Variants in FNDC3A observed in about 807,000 individuals in gnomAD.
FNDC3A encodes fibronectin type III domain containing 3A.
Under a neutral mutation model 148.9 loss-of-function variants are expected in FNDC3A, and 32 were observed. That is an observed-to-expected ratio of 0.21 (90% CI 0.16 to 0.29). The LOEUF (loss-of-function observed/expected upper bound fraction) is 0.29, where lower values mean the gene tolerates loss of function less well. Ranked by LOEUF, FNDC3A falls within the 10% of genes least tolerant of loss-of-function variation. FNDC3A has a pLI of 1.00. For synonymous variants in FNDC3A, 472 were observed against 473.6 expected (o/e 1.00, Z 0.04); for missense variants, 1,191 against 1,452.8 (o/e 0.82, Z 2.93).
Position 49,075,271 on chromosome 13 carries a change from C to T in FNDC3A, c.100-18C>T. 2 of 1,480,586 alleles carry T rather than the reference C, an allele frequency of 1.4e-6. No homozygotes were observed. The highest frequency in any genetic ancestry group is 1.9e-6 in the Non-Finnish European group (2 of 1,065,962). 91.7% of individuals were successfully genotyped at this position (1,480,586 alleles called of 1,614,324 possible). A position where few individuals can be genotyped will look rare whatever the true frequency, so the allele number is the denominator to read the frequency against. On this transcript the variant is annotated intron_variant, in intron 2 of 25. Transcript: ENST00000492622. ...CTTTTTTTTGTTTTGATTAATACTT[C>T]TTCCCCTCATTTTTAAGGTTATTCT... is the stretch of plus-strand genomic sequence containing the variant.
intron 2 of FNDC3A, among the ~76,000 whole-genome samples, chr13:49,012,510 CTTTACA>C (rs1258413745): frequency 6.6e-6 from 1 of 152,054 alleles, no homozygotes; most frequent in Non-Finnish European, 1.5e-5. Flanking sequence ...ATTCTTGGGC[CTTTACA>C]TTTACATATA....
chr13:49,030,490 A>G (rs781404136), intron 2 of FNDC3A, among the ~76,000 whole-genome samples: 1 of 152,230 alleles, frequency 6.6e-6, no homozygotes, highest in Non-Finnish European at 1.5e-5. Context: ...CACCACTTCT[A>G]TTCAACGTTG....
intron 8 of FNDC3A, among the ~76,000 whole-genome samples, chr13:49,157,484 G>A (rs1167012628): frequency 6.8e-6 from 1 of 147,510 alleles, no homozygotes; most frequent in African/African-American, 2.5e-5. Flanking sequence ...CCGTAGCTCA[G>A]AGTAATTTGA....
chr13:49,011,301 T>G lies in FNDC3A; in HGVS notation c.99+5012T>G, dbSNP rs371562280. On this transcript the variant is annotated intron_variant, in intron 2 of 25. Coordinates refer to ENST00000492622, the MANE Select transcript of FNDC3A (RefSeq NM_001079673.2). ...CAGGCTGGAGTGCAGTGGCGTGATC[T>G]CGGCTCACTGCAACCTCCGCCTCCC... Among the ~76,000 whole-genome samples, 390 of 152,134 alleles carry G rather than the reference T, an allele frequency of 2.6e-3. 5 individuals carry two copies. The highest frequency in any genetic ancestry group is 0.02 in the Middle Eastern group (6 of 294).
At chr13:49,130,492 G>A (rs965298074) in intron 4 of FNDC3A, among the ~76,000 whole-genome samples, 3 of 151,962 alleles carry the variant, frequency 2.0e-5, no homozygotes, top group Admixed American at 2.0e-4. Context: ...TATAGAAAAG[G>A]AAATTGATTC....
At chr13:49,194,771 T>A (rs374684348) in intron 19 of FNDC3A, among the ~76,000 whole-genome samples, 2 of 152,166 alleles carry the variant, frequency 1.3e-5, no homozygotes, top group African/African-American at 2.4e-5. Flanking sequence ...TTTATACATA[T>A]GATAGTATAA....
At chr13:49,018,339 C>G (rs2017793511) in intron 2 of FNDC3A, among the ~76,000 whole-genome samples, 1 of 152,144 alleles carries the variant, frequency 6.6e-6, no homozygotes, top group African/African-American at 2.4e-5. Context: ...CTTCTCGCTT[C>G]ATTTCATTCA....
intron 4 of FNDC3A, among the ~76,000 whole-genome samples, chr13:49,115,747 ACTAT>A (rs1407881632): frequency 6.6e-6 from 1 of 152,164 alleles, no homozygotes; most frequent in Non-Finnish European, 1.5e-5. Context: ...GTCTCTACTA[ACTAT>A]CTCTACTTTT....
intron 16 of FNDC3A, 150 bp downstream of exon 16, chr13:49,187,340 T>A (rs988323471): frequency 4.5e-6 from 4 of 883,152 alleles, no homozygotes; most frequent in Non-Finnish European, 5.2e-6. Context: ...TGGGTTGTCC[T>A]GGATTTTTTT....
chr13:49,071,087 A>C (rs1877656872), intron 2 of FNDC3A, among the ~76,000 whole-genome samples: 1 of 111,338 alleles, frequency 9.0e-6, no homozygotes, highest in Non-Finnish European at 1.7e-5. Context: ...TTTTGTAGAG[A>C]TGAGGTCTCA....
At chr13:49,153,678 C>A (rs1164726400) in intron 8 of FNDC3A, among the ~76,000 whole-genome samples, 1 of 147,842 alleles carries the variant, frequency 6.8e-6, no homozygotes, top group Non-Finnish European at 1.5e-5. Flanking sequence ...TTTAATCCAT[C>A]TTGAATTGAT....
At chr13:49,114,853 C>A (rs749701109) in intron 4 of FNDC3A, 122 bp downstream of exon 4, 5 of 753,048 alleles carry the variant, frequency 6.6e-6, no homozygotes, top group Non-Finnish European at 1.2e-5. Context: ...TGTTGTGTAT[C>A]TATCATAAAT....
At position 49,208,108 on chromosome 13, in the gene FNDC3A, A is replaced by G. The variant is rs1886738205; in HGVS notation, c.*713A>G. 1 of 152,254 alleles carries G rather than the reference A, an allele frequency of 6.6e-6. No individual in the cohort carries two copies. The highest frequency in any genetic ancestry group is 1.5e-5 in the Non-Finnish European group (1 of 68,042). The allele number at this position is 152,254 out of a possible 1,614,324, so 9.4% of individuals were successfully genotyped here. A position where few individuals can be genotyped will look rare whatever the true frequency, so the allele number is the denominator to read the frequency against. ...CCTCTTCAGGTCTTGAGAACATGGA[A>G]AAGAATTGAGTGCTTTTAAATACTT... On this transcript the variant is annotated 3_prime_UTR_variant, in exon 26 of 26. Coordinates refer to ENST00000492622, the MANE Select transcript of FNDC3A (RefSeq NM_001079673.2).
Position 49,136,402 on chromosome 13 carries a change from G to GA in FNDC3A, c.567dup (p.Leu190IlefsTer11). On this transcript the variant is annotated frameshift_variant, in exon 6 of 26. Transcript: ENST00000492622. LOFTEE classifies it high-confidence loss of function. ...CTAGTAAAACATATGAACGTTTGCAGAAAAAATTGAAGGATCGCCAAGGAA... is the reference window on the plus strand; with the variant it reads ...CTAGTAAAACATATGAACGTTTGCAGAAAAAAATTGAAGGATCGCCAAGGAA... 2 of 1,614,016 alleles carry GA rather than the reference G, an allele frequency of 1.2e-6. No homozygotes were observed. Among genetic ancestry groups the GA allele is most frequent in the Non-Finnish European group, 1.7e-6 (2 of 1,179,962 alleles).
At chr13:49,085,811 A>G (rs144506373) in intron 3 of FNDC3A, among the ~76,000 whole-genome samples, 1 of 152,268 alleles carries the variant, frequency 6.6e-6, no homozygotes, top group East Asian at 1.9e-4. Flanking sequence ...CTTAGCATGA[A>G]GAAGAACTTT....
intron 8 of FNDC3A, among the ~76,000 whole-genome samples, chr13:49,153,363 GTTGT>G (rs758847404): frequency 1.3e-5 from 2 of 152,146 alleles, no homozygotes; most frequent in African/African-American, 2.4e-5. Flanking sequence ...TTTTGATGGG[GTTGT>G]TTGTTTTTTC....
intron 2 of FNDC3A, among the ~76,000 whole-genome samples, chr13:49,055,463 G>C (rs1022083008): frequency 6.6e-6 from 1 of 152,014 alleles, no homozygotes; most frequent in Non-Finnish European, 1.5e-5. Flanking sequence ...CTCCCTTTTG[G>C]AATTTAGGGG....
At chr13:49,001,447 A>G (rs1952124473) in intron 1 of FNDC3A, among the ~76,000 whole-genome samples, 3 of 152,218 alleles carry the variant, frequency 2.0e-5, no homozygotes, top group Non-Finnish European at 4.4e-5. Context: ...GATAACAGCA[A>G]TGTTCAGGGA....
rs187839020 is a variant in FNDC3A, at chr13:49,079,724, T to G, written c.175+4360T>G. Among the ~76,000 whole-genome samples the G allele has an allele frequency of 9.7e-4, 148 of 152,198 alleles. 1 individual carries two copies. The highest frequency in any genetic ancestry group is 3.4e-3 in the African/African-American group (141 of 41,504). ...AATCTTTCAAATACACTCCTGAGCTTCTCTCTCTTCCCTTCACCCTATAAA... is the reference window on the plus strand; with the variant it reads ...AATCTTTCAAATACACTCCTGAGCTGCTCTCTCTTCCCTTCACCCTATAAA... On this transcript the variant is annotated intron_variant, in intron 3 of 25. Transcript: ENST00000492622.
Sources: gnomAD v4.1 joint callset for allele counts (sites outside exome capture counted in the v4.1 genomes callset) on GRCh38, gnomAD v4.1.1 for gene constraint, MANE v1.5 for transcripts, NCBI Gene and HGNC (gene_info 2026-07-23, HGNC 2026-07-21) for gene names.